The following ALB variants were observed in gnomAD, a reference collection of about 807,000 sequenced individuals.
ALB encodes the protein serum albumin.
ALB carries 37 observed loss-of-function variants against 74.5 expected under a neutral mutation model. That is an observed-to-expected ratio of 0.50 (90% CI 0.38 to 0.65). The LOEUF (loss-of-function observed/expected upper bound fraction) is 0.65. Among genes scored for constraint, ALB ranks in the 30% least tolerant of loss-of-function variants. The pLI is 0.00. For synonymous variants in ALB, 249 were observed against 251.6 expected, an observed-to-expected ratio of 0.99 and a Z score of 0.10; for missense variants, 685 against 718.7, an observed-to-expected ratio of 0.95 and a Z score of 0.54.
chr4:73,412,225 T>A, intron 7 of ALB, 100 bp downstream of exon 7: 7 of 1,425,252 alleles, frequency 4.9e-6, no homozygotes, highest in Non-Finnish European at 6.9e-6. Context: ...GGGTTGAGAT[T>A]GTCTTCTGTG....
chr4:73,409,517 T>G (rs753038371), intron 5 of ALB, 30 bp downstream of exon 5: 2 of 1,613,366 alleles, frequency 1.2e-6, no homozygotes, highest in Non-Finnish European at 8.5e-7. Flanking sequence ...AAAAAAAGAG[T>G]TCATTATCCA....
intron 14 of ALB, 133 bp downstream of exon 14, chr4:73,420,454 A>G: frequency 3.9e-6 from 2 of 516,910 alleles, no homozygotes; most frequent in Non-Finnish European, 6.6e-6. Context: ...TGTAAATATT[A>G]GCTTTTAAAA....
At chr4:73,418,025 T>C (rs1486414734) in intron 11 of ALB, 63 bp from the exon 12 acceptor site, 2 of 1,529,056 alleles carry the variant, frequency 1.3e-6, no homozygotes, top group Non-Finnish European at 1.8e-6. Flanking sequence ...ATTTTTTGTA[T>C]TTTTAGTAGA....
intron 4 of ALB, 165 bp downstream of exon 4, chr4:73,408,970 A>C: frequency 1.6e-6 from 1 of 643,410 alleles, no homozygotes; most frequent in Non-Finnish European, 2.6e-6. Context: ...ACAAAATTCT[A>C]CACAGCAAAA....
In ALB at chr4:73,406,718, CAT is replaced by C. The variant is rs75152012; in HGVS notation, c.228_229del (p.Val78CysfsTer2). The C allele has an allele frequency of 4.2e-5, 68 of 1,613,748 alleles. No homozygotes were observed. Among genetic ancestry groups the C allele is most frequent in the South Asian group, 7.7e-5 (7 of 91,082 alleles). Reference sequence around the variant, plus strand: ...AATGAAGTAACTGAATTTGCAAAAACATGTGTTGCTGATGAGTCAGCTGAAAA... The same window carrying C: ...AATGAAGTAACTGAATTTGCAAAAACGTGTTGCTGATGAGTCAGCTGAAAA... On this transcript the variant is annotated frameshift_variant, in exon 3 of 15. Coordinates refer to ENST00000295897, the MANE Select transcript of ALB (RefSeq NM_000477.7). LOFTEE classifies it high-confidence loss of function.
At chr4:73,417,817 G>A in intron 11 of ALB, 148 bp downstream of exon 11, 1 of 807,106 alleles carries the variant, frequency 1.2e-6, no homozygotes, top group South Asian at 1.8e-5. Context: ...GTGTGTATGT[G>A]TGATATTGGC....
intron 5 of ALB, 131 bp from the exon 6 acceptor site, chr4:73,410,181 G>A: frequency 1.4e-6 from 1 of 716,386 alleles, no homozygotes; most frequent in Non-Finnish European, 2.6e-6. Flanking sequence ...TTCGCTAAAG[G>A]GAGTACTTGG....
At chr4:73,409,740 G>A (rs190987893) in intron 5 of ALB, among the ~76,000 whole-genome samples, 1 of 152,214 alleles carries the variant, frequency 6.6e-6, no homozygotes, top group East Asian at 1.9e-4. Flanking sequence ...CACTTTTTAT[G>A]GTGGTGATCA....
chr4:73,414,661 G>T (rs1380066682), intron 8 of ALB, among the ~76,000 whole-genome samples: 2 of 152,042 alleles, frequency 1.3e-5, no homozygotes, highest in East Asian at 3.9e-4. Context: ...CACCATGTTG[G>T]TCAGACTGGT....
rs1213633671 is a variant in ALB at position 73,404,335 on chromosome 4, G to A, written c.8G>A (p.Trp3Ter). The change falls in exon 1 of 15, where the codon TGG (tryptophan) becomes TAG (stop). Residue 3 changes from tryptophan (W) to a stop codon, truncating the protein, a stop_gained. Transcript: ENST00000295897. LOFTEE classifies it high-confidence loss of function. ...CCACACGCCTTTGGCACAATGAAGTGGGTAACCTTTATTTCCCTTCTTTTT... is the reference window on the plus strand; with the variant it reads ...CCACACGCCTTTGGCACAATGAAGTAGGTAACCTTTATTTCCCTTCTTTTT... MK[W>*]VTFISLLFLF... The A allele has an allele frequency of 6.2e-7, 1 of 1,613,410 alleles. No individual in the cohort carries two copies. Among genetic ancestry groups the A allele is most frequent in the Non-Finnish European group, 8.5e-7 (1 of 1,179,540 alleles).
rs769374421 is a variant in ALB, at chr4:73,418,132, G to T, written c.1473G>T (p.Thr491=). 6 of 1,614,016 alleles carry T rather than the reference G, an allele frequency of 3.7e-6. No homozygotes were observed. Among genetic ancestry groups the T allele is most frequent in the South Asian group, 2.2e-5 (2 of 91,084 alleles). The part of the protein sequence containing the change: ...LNQLCVLHEK[T]PVSDRVTKCC... ...AGTTATGTGTGTTGCATGAGAAAAC[G>T]CCAGTAAGTGACAGAGTCACCAAAT... is the stretch of plus-strand genomic sequence containing the variant. The change falls in exon 12 of 15, where the codon ACG becomes ACT. Residue 491 remains threonine, a synonymous_variant. Coordinates refer to ENST00000295897, the MANE Select transcript of ALB (RefSeq NM_000477.7).
chr4:73,415,292 A>C, intron 9 of ALB, 125 bp downstream of exon 9: 1 of 1,203,418 alleles, frequency 8.3e-7, no homozygotes, highest in Admixed American at 2.0e-5. Context: ...AGATGGTTTC[A>C]ATTCTGGAAT....
intron 10 of ALB, 42 bp downstream of exon 10, chr4:73,416,395 ATTAT>A: frequency 6.9e-7 from 1 of 1,456,870 alleles, no homozygotes; most frequent in South Asian, 1.2e-5. Flanking sequence ...TCAATTTGTA[ATTAT>A]TTAAGACTTA....
rs368420367 is a variant in ALB, at chr4:73,413,823, A to G, written c.1058+189A>G. 2.1e-4 allele frequency among the ~76,000 whole-genome samples: 32 copies of G among 152,352 alleles called. No individual in the cohort carries two copies. In the South Asian group the frequency reaches 5.2e-3, roughly 25 times the overall value. On this transcript the variant is annotated intron_variant, in intron 8 of 14. Transcript: ENST00000295897. ...GTTGAATACATTGTCATAAAATAAT[A>G]CATGTTCATGGCAAAGCTCAACATT...
At chr4:73,415,383 ATC>A (rs1055562044) in intron 9 of ALB, 30 of 525,008 alleles carry the variant, frequency 5.7e-5, no homozygotes, top group African/African-American at 5.4e-4. Flanking sequence ...GAATAGAGCA[ATC>A]TCTAAAAAAT....
rs889031471 is a variant in ALB at position 73,413,421 on chromosome 4, C to T, written c.845C>T (p.Ala282Val). Residue 282 changes from alanine (A) to valine (V), a missense_variant and splice_region_variant, in exon 8 of 15, where the codon GCG becomes GTG. Ala to Val is a moderately conservative substitution (Grantham distance 64). Coordinates refer to ENST00000295897, the MANE Select transcript of ALB (RefSeq NM_000477.7). ...CAATTTCCACCAACTTACTTATAGG[C>T]GGACCTTGCCAAGTATATCTGTGAA... ...GDLLECADDRADLAKYICENQ... is the reference protein window; with the variant it reads ...GDLLECADDRVDLAKYICENQ... 27 of 1,612,808 alleles carry T rather than the reference C, an allele frequency of 1.7e-5. No homozygotes were observed. Among genetic ancestry groups the T allele is most frequent in the Non-Finnish European group, 2.2e-5 (26 of 1,178,962 alleles).
At chr4:73,410,504 C>T in intron 6 of ALB, 95 bp downstream of exon 6, 1 of 897,780 alleles carries the variant, frequency 1.1e-6, no homozygotes, top group South Asian at 1.4e-5. Context: ...TTGCAAAGTG[C>T]TGTCAAATAC....
intron 10 of ALB, among the ~76,000 whole-genome samples, chr4:73,417,283 C>T (rs545344167): frequency 2.8e-4 from 42 of 152,252 alleles, no homozygotes; most frequent in African/African-American, 9.4e-4. Context: ...TTATTAATGT[C>T]ACTGAATTAG....
In ALB at chr4:73,406,214, G is replaced by T. The variant is rs192203138; in HGVS notation, c.138-415G>T. ...GTCAAGGCTACAGTGAGCCATGATT[G>T]TGCCACTGCACTCCAGCCTGGGTGA... On this transcript the variant is annotated intron_variant, in intron 2 of 14. Coordinates refer to ENST00000295897, the MANE Select transcript of ALB (RefSeq NM_000477.7). 3.2e-4 allele frequency among the ~76,000 whole-genome samples: 48 copies of T among 152,286 alleles called. No individual in the cohort carries two copies. The East Asian group carries it at 8.3e-3, about 26-fold the overall frequency.
Sources: gnomAD v4.1 joint callset for allele counts (sites outside exome capture counted in the v4.1 genomes callset) on GRCh38, gnomAD v4.1.1 for gene constraint, MANE v1.5 for transcripts, NCBI Gene and HGNC (gene_info 2026-07-23, HGNC 2026-07-21) for gene names.